The following GSN variants were observed in gnomAD, a reference collection of about 807,000 sequenced individuals.
GSN encodes the protein gelsolin.
A neutral mutation model predicts 85.7 loss-of-function variants in GSN; 56 were observed. That is an observed-to-expected ratio of 0.65 (90% CI 0.53 to 0.82). The LOEUF (loss-of-function observed/expected upper bound fraction) is 0.82, where lower values mean the gene tolerates loss of function less well. GSN is among the 40% of genes least tolerant of loss of function. GSN has a pLI of 0.00. For missense variants in GSN, 857 were observed against 979.8 expected (o/e 0.87, Z 1.67); for synonymous variants, 373 against 399.1 (o/e 0.93, Z 0.78).
At chr9:121,209,038 T>G (rs2132064891) in intron 1 of GSN, among the ~76,000 whole-genome samples, 1 of 152,368 alleles carries the variant, frequency 6.6e-6, no homozygotes, top group African/African-American at 2.4e-5. Flanking sequence ...CTGAACAAGT[T>G]GAGATATCAA....
chr9:121,232,808 G>A (rs1430209296), intron 5 of GSN, among the ~76,000 whole-genome samples: 1 of 152,214 alleles, frequency 6.6e-6, no homozygotes, highest in Non-Finnish European at 1.5e-5. Flanking sequence ...CATAGAAGTA[G>A]AGACTCATGG....
chr9:121,283,915 C>G (rs927137927), intron 2 of GSN: 2 of 167,314 alleles, frequency 1.2e-5, no homozygotes, highest in South Asian at 4.1e-4. Context: ...ATCAGGGAAG[C>G]CTCCCCTAAA....
At chr9:121,228,749 T>C (rs1230298856) in intron 4 of GSN, among the ~76,000 whole-genome samples, 1 of 152,030 alleles carries the variant, frequency 6.6e-6, no homozygotes, top group Non-Finnish European at 1.5e-5. Context: ...TTAAAAAAAT[T>C]CAGATAAACA....
intron 2 of GSN, chr9:121,281,806 C>T (rs1028917357): frequency 8.5e-6 from 4 of 471,082 alleles, no homozygotes; most frequent in African/African-American, 8.0e-5. Flanking sequence ...TGCCCGGATG[C>T]CTGGCTCCCA....
At chr9:121,249,184 C>T (rs774574200) in intron 6 of GSN, among the ~76,000 whole-genome samples, 5 of 151,980 alleles carry the variant, frequency 3.3e-5, no homozygotes, top group Admixed American at 1.3e-4. Context: ...AGAGACTGGG[C>T]GTGGTGGCTC....
chr9:121,313,959 C>T lies in GSN; in HGVS notation c.689C>T (p.Pro230Leu), dbSNP rs139723535. ...LQVLGPKPAL[P>L]AGTEDTAKED... ...GTGCTGGGCCCCAAGCCGGCTCTGC[C>T]TGCAGGTACCGAGGACACCGCCAAG... The change falls in exon 7 of 18, where the codon CCT becomes CTT. Residue 230 changes from proline (P) to leucine (L), a missense_variant. Pro to Leu is a moderately conservative substitution (Grantham distance 98, BLOSUM62 -3). Coordinates refer to ENST00000432226, the MANE Select transcript of GSN (RefSeq NM_198252.3). The T allele has an allele frequency of 8.1e-6, 13 of 1,614,082 alleles. No homozygotes were observed. The highest frequency in any genetic ancestry group is 2.7e-5 in the African/African-American group (2 of 74,960).
At chr9:121,262,097 A>C (rs1262153795) in intron 6 of GSN, among the ~76,000 whole-genome samples, 1 of 152,232 alleles carries the variant, frequency 6.6e-6, no homozygotes, top group East Asian at 1.9e-4. Flanking sequence ...CAAAGAAACA[A>C]CGAGCTGTAG....
Position 121,289,313 on chromosome 9 carries a change from G to A in GSN, c.-10+7751G>A, listed in dbSNP as rs150628815. 1.3e-3 allele frequency among the ~76,000 whole-genome samples: 200 copies of A among 152,206 alleles called. 2 individuals carry two copies. The highest frequency in any genetic ancestry group is 4.6e-3 in the African/African-American group (190 of 41,518). ...GGTCAAAGCTTGGGGCCAAGCCCAC[G>A]GCTCAGGAAGGGTTTGCCAGGCCCC... On this transcript the variant is annotated intron_variant, in intron 2 of 17. Coordinates refer to ENST00000432226, the MANE Select transcript of GSN (RefSeq NM_198252.3).
chr9:121,301,938 T>G, intron 2 of GSN, 25 bp from the exon 3 acceptor site: 1 of 1,613,894 alleles, frequency 6.2e-7, no homozygotes, highest in Non-Finnish European at 8.5e-7. Context: ...CTGCCCCGCT[T>G]AGGCTCTGCC....
intron 2 of GSN, among the ~76,000 whole-genome samples, chr9:121,295,515 G>A (rs2133024568): frequency 6.6e-6 from 1 of 152,342 alleles, no homozygotes; most frequent in East Asian, 1.9e-4. Flanking sequence ...AGAACAGGGT[G>A]GTGTCTTCCA....
intron 1 of GSN, among the ~76,000 whole-genome samples, chr9:121,208,452 C>G (rs111833171): frequency 6.6e-6 from 1 of 152,156 alleles, no homozygotes; most frequent in African/African-American, 2.4e-5. Flanking sequence ...TGTATTCTTC[C>G]CGCACATGGA....
At chr9:121,238,901 C>G in intron 5 of GSN, 1 of 537,220 alleles carries the variant, frequency 1.9e-6, no homozygotes, top group Non-Finnish European at 3.8e-6. Context: ...TTACATACAT[C>G]TGCATGATTC....
chr9:121,327,507 C>T (rs2133900349), intron 14 of GSN, 25 bp downstream of exon 14: 1 of 1,538,584 alleles, frequency 6.5e-7, no homozygotes, highest in Non-Finnish European at 8.8e-7. Flanking sequence ...GGGGGGCCTG[C>T]TGCTGTCCGG....
chr9:121,296,658 C>G (rs906029642), intron 2 of GSN, among the ~76,000 whole-genome samples: 2 of 152,188 alleles, frequency 1.3e-5, no homozygotes, highest in Non-Finnish European at 2.9e-5. Flanking sequence ...CCCTAGCACT[C>G]GGGCCTCTTC....
At chr9:121,276,990 G>T (rs1241141486) in intron 1 of GSN, among the ~76,000 whole-genome samples, 3 of 152,108 alleles carry the variant, frequency 2.0e-5, no homozygotes, top group African/African-American at 7.2e-5. Flanking sequence ...CGCCTAGTTT[G>T]TCTTGGTTGT....
rs189760763 is a variant in GSN at position 121,278,723 on chromosome 9, A to G, written c.-102-2747A>G. ...ATCTGGAGTGTGTGGGTGGTGGACT[A>G]GAATCAGTGGTTTTGCTGACCTTGT... On this transcript the variant is annotated intron_variant, in intron 1 of 17. Transcript: ENST00000432226. 2.9e-3 allele frequency among the ~76,000 whole-genome samples: 447 copies of G among 152,348 alleles called. 1 individual carries two copies. The highest frequency in any genetic ancestry group is 0.01 in the African/African-American group (417 of 41,582).
chr9:121,304,298 C>T (rs2060186788), intron 4 of GSN, among the ~76,000 whole-genome samples: 1 of 152,230 alleles, frequency 6.6e-6, no homozygotes, highest in Admixed American at 6.5e-5. Context: ...TTCCCTGGAG[C>T]CCCTTGTGCC....
chr9:121,209,374 G>A lies in GSN; in HGVS notation c.-729G>A, dbSNP rs2053932595. 7.2e-5 allele frequency: 10 copies of A among 138,036 alleles called. No homozygotes were observed. In the South Asian group the frequency reaches 2.5e-3, roughly 34 times the overall value. The allele number at this position is 138,036 out of a possible 1,614,324, so 8.6% of individuals were successfully genotyped here. Reference sequence around the variant, plus strand: ...CTCACTGAAACCAGGACTAAGGAAAGGAGATTCCCTTCTACCATCCATGGT... The same window carrying A: ...CTCACTGAAACCAGGACTAAGGAAAAGAGATTCCCTTCTACCATCCATGGT... On this transcript the variant is annotated 5_prime_UTR_variant, in exon 2 of 25. Coordinates refer to the GSN transcript ENST00000373823.
chr9:121,300,160 T>C, intron 2 of GSN: 1 of 1,512,612 alleles, frequency 6.6e-7, no homozygotes, highest in Non-Finnish European at 9.2e-7. Flanking sequence ...GGGCTCTGGC[T>C]CGCAGACGAG....
Sources: allele counts gnomAD v4.1 joint callset (sites outside exome capture counted in the v4.1 genomes callset), GRCh38; gene constraint gnomAD v4.1.1; transcripts MANE v1.5; gene names NCBI Gene and HGNC (gene_info 2026-07-23, HGNC 2026-07-21).